AFG1L: variants seen among roughly 807,000 people sequenced by gnomAD.
AFG1L encodes AFG1-like ATPase.
In AFG1L, 53 loss-of-function variants were observed where a neutral mutation model predicts 62.2. The observed-to-expected ratio is 0.85, with a 90% CI of 0.68 to 1.07. The LOEUF is 1.07. Ranked by LOEUF, AFG1L falls within the 50% of genes least tolerant of loss-of-function variation. The pLI is 0.00. For synonymous variants in AFG1L, 228 were observed against 210.3 expected, an observed-to-expected ratio of 1.08 and a Z score of -0.73; for missense variants, 555 against 590.5, an observed-to-expected ratio of 0.94 and a Z score of 0.62.
Position 108,422,409 on chromosome 6 carries a change from A to G in AFG1L, c.807+20355A>G, listed in dbSNP as rs1341535699. The stretch of plus-strand genomic sequence containing the variant: ...TAAGTCACCTAAAATGCAGTTATCA[A>G]CTTTTTCTGGCAGTTGAATTATGTT... On this transcript the variant is annotated intron_variant, in intron 7 of 12. Coordinates refer to ENST00000368977, the MANE Select transcript of AFG1L (RefSeq NM_145315.5). 4.2e-5 allele frequency among the ~76,000 whole-genome samples: 6 copies of G among 143,512 alleles called. No homozygotes were observed. The East Asian group carries it at 1.2e-3, about 29-fold the overall frequency. 94.1% of individuals were successfully genotyped at this position (143,512 alleles called of 152,430 possible). A position where few individuals can be genotyped will look rare whatever the true frequency, so the allele number is the denominator to read the frequency against.
chr6:108,322,742 A>G (rs1196675057), intron 1 of AFG1L, among the ~76,000 whole-genome samples: 3 of 152,244 alleles, frequency 2.0e-5, no homozygotes, highest in African/African-American at 7.2e-5. Flanking sequence ...CATGATGTTC[A>G]ATGAAATGAA....
intron 8 of AFG1L, among the ~76,000 whole-genome samples, chr6:108,457,628 A>G (rs1214150277): frequency 6.6e-6 from 1 of 152,020 alleles, no homozygotes; most frequent in Non-Finnish European, 1.5e-5. Context: ...AATCCTTTAA[A>G]GAGATTTTTA....
chr6:108,521,955 C>G (rs1369680151), intron 12 of AFG1L: 1 of 186,092 alleles, frequency 5.4e-6, no homozygotes, highest in African/African-American at 2.4e-5. Context: ...TAGGGCCTCC[C>G]CCTTAGGCAC....
intron 1 of AFG1L, among the ~76,000 whole-genome samples, chr6:108,320,411 A>G (rs1452320112): frequency 1.3e-5 from 2 of 152,190 alleles, no homozygotes; most frequent in Non-Finnish European, 2.9e-5. Flanking sequence ...TGGTGAGCAT[A>G]ACCTCCTCCA....
At chr6:108,351,131 A>G (rs2114437654) in intron 3 of AFG1L, among the ~76,000 whole-genome samples, 1 of 152,346 alleles carries the variant, frequency 6.6e-6, no homozygotes, top group South Asian at 2.1e-4. Flanking sequence ...GTTGCTCTGA[A>G]TGAATCAGTG....
chr6:108,326,793 C>G (rs1055199151), intron 2 of AFG1L, among the ~76,000 whole-genome samples: 7 of 152,128 alleles, frequency 4.6e-5, no homozygotes, highest in African/African-American at 1.7e-4. Context: ...AACCCTGTCT[C>G]TACTAAAAAT....
At chr6:108,412,371 C>T (rs4945812) in intron 7 of AFG1L, among the ~76,000 whole-genome samples, 6,715 of 152,238 alleles carry the variant, frequency 0.044, 223 homozygotes, top group South Asian at 0.11. Flanking sequence ...ACTTCCCAAA[C>T]CTAGTGAGGC....
In AFG1L at chr6:108,411,343, A is replaced by G. The variant is rs530821723; in HGVS notation, c.807+9289A>G. On this transcript the variant is annotated intron_variant, in intron 7 of 12. Coordinates refer to ENST00000368977, the MANE Select transcript of AFG1L (RefSeq NM_145315.5). ...GACTCCACCTCTGGGGGCAGGGCAT[A>G]GCTGAATAAAAGGCAGCAGAAACTT... 4.3e-4 allele frequency among the ~76,000 whole-genome samples: 66 copies of G among 152,338 alleles called. 1 individual carries two copies. The highest frequency in any genetic ancestry group is 1.5e-3 in the African/African-American group (64 of 41,578).
intron 8 of AFG1L, among the ~76,000 whole-genome samples, chr6:108,458,034 C>A (rs1016466124): frequency 1.3e-5 from 2 of 152,090 alleles, no homozygotes; most frequent in Non-Finnish European, 2.9e-5. Context: ...TCCTTCTCTG[C>A]ATAAGGATAT....
At chr6:108,331,343 AT>A (rs1163042378) in intron 2 of AFG1L, among the ~76,000 whole-genome samples, 2 of 151,920 alleles carry the variant, frequency 1.3e-5, no homozygotes, top group African/African-American at 2.4e-5. Flanking sequence ...TGGTGGACTT[AT>A]TTTTTTTCCC....
intron 6 of AFG1L, among the ~76,000 whole-genome samples, chr6:108,385,704 A>C (rs1378482053): frequency 6.6e-6 from 1 of 152,100 alleles, no homozygotes; most frequent in Non-Finnish European, 1.5e-5. Flanking sequence ...CTCTGCATGG[A>C]GGAGTGATGA....
At chr6:108,479,267 C>T (rs1197165698) in intron 10 of AFG1L, among the ~76,000 whole-genome samples, 3 of 152,190 alleles carry the variant, frequency 2.0e-5, no homozygotes, top group Admixed American at 2.0e-4. Flanking sequence ...GCTGGGATTA[C>T]AGATGTGAGC....
At chr6:108,351,306 GC>G (rs1269343837) in intron 3 of AFG1L, among the ~76,000 whole-genome samples, 6 of 152,170 alleles carry the variant, frequency 3.9e-5, no homozygotes, top group African/African-American at 1.4e-4. Context: ...AAGTTTTTCA[GC>G]TTCTTTATAA....
At chr6:108,303,985 G>A (rs1265369495) in intron 1 of AFG1L, among the ~76,000 whole-genome samples, 1 of 152,052 alleles carries the variant, frequency 6.6e-6, no homozygotes, top group South Asian at 2.1e-4. Context: ...TCACTGATTT[G>A]TTATCATGAA....
chr6:108,353,847 C>T (rs972883186), intron 3 of AFG1L, among the ~76,000 whole-genome samples: 5 of 152,142 alleles, frequency 3.3e-5, no homozygotes, highest in African/African-American at 1.2e-4. Flanking sequence ...ATCAAAGTGA[C>T]TTCTTTATTA....
At chr6:108,392,070 G>A (rs150104615) in intron 6 of AFG1L, 2 of 152,260 alleles carry the variant, frequency 1.3e-5, no homozygotes, top group Non-Finnish European at 2.9e-5. Flanking sequence ...GAAAATGATT[G>A]CTGTGCTTGC....
chr6:108,414,459 G>T (rs1316237909), intron 7 of AFG1L, among the ~76,000 whole-genome samples: 1 of 152,084 alleles, frequency 6.6e-6, no homozygotes, highest in Non-Finnish European at 1.5e-5. Context: ...GCCCGGCAGA[G>T]ACACAACAAA....
chr6:108,498,117 C>T (rs916728591), intron 10 of AFG1L, among the ~76,000 whole-genome samples: 19 of 152,096 alleles, frequency 1.2e-4, no homozygotes, highest in African/African-American at 4.3e-4. Context: ...GCAGGCTAGC[C>T]GAGGTATTGC....
At chr6:108,377,978 A>G (rs891069462) in intron 6 of AFG1L, among the ~76,000 whole-genome samples, 1 of 151,474 alleles carries the variant, frequency 6.6e-6, no homozygotes, top group African/African-American at 2.4e-5. Flanking sequence ...GTTGCATTAC[A>G]TAATCCCACA....
Sources: gnomAD v4.1 joint callset for allele counts (sites outside exome capture counted in the v4.1 genomes callset) on GRCh38, gnomAD v4.1.1 for gene constraint, MANE v1.5 for transcripts, NCBI Gene and HGNC (gene_info 2026-07-23, HGNC 2026-07-21) for gene names.